RBPJ: variants seen among roughly 807,000 people sequenced by gnomAD.
The protein encoded by RBPJ is recombination signal binding protein for immunoglobulin kappa J region.
RBPJ carries 9 observed loss-of-function variants against 67.8 expected under a neutral mutation model. That is an observed-to-expected ratio of 0.13 (90% CI 0.08 to 0.23). The LOEUF (loss-of-function observed/expected upper bound fraction) is 0.23, where lower values mean the gene tolerates loss of function less well. RBPJ is among the 10% of genes least tolerant of loss of function. RBPJ has a pLI of 1.00. For synonymous variants in RBPJ, 198 were observed against 203.3 expected (o/e 0.97, Z 0.22); for missense variants, 305 against 595.6 (o/e 0.51, Z 5.08).
At chr4:26,321,646 A>C (rs1469327181) in intron 1 of RBPJ, 2 of 153,284 alleles carry the variant, frequency 1.3e-5, no homozygotes, top group Non-Finnish European at 2.9e-5. Context: ...TTCTGCCTTA[A>C]TTGTTCTTCC....
At chr4:26,396,174 T>C (rs556941880) in intron 2 of RBPJ, among the ~76,000 whole-genome samples, 1 of 152,364 alleles carries the variant, frequency 6.6e-6, no homozygotes, top group Admixed American at 6.5e-5. Flanking sequence ...GTAAAATGAA[T>C]TTAAATTGAT....
intron 1 of RBPJ, among the ~76,000 whole-genome samples, chr4:26,164,424 G>A (rs567440798): frequency 1.3e-5 from 2 of 152,296 alleles, no homozygotes; most frequent in South Asian, 4.1e-4. Context: ...TGAGCTCTGA[G>A]CTCTGGCTCT....
intron 1 of RBPJ, among the ~76,000 whole-genome samples, chr4:26,340,171 A>G (rs1375665410): frequency 6.6e-6 from 1 of 152,254 alleles, no homozygotes; most frequent in African/African-American, 2.4e-5. Flanking sequence ...AAAATAAAAC[A>G]GGGAAAGGGT....
At chr4:26,355,969 T>G (rs753120651) in intron 1 of RBPJ, among the ~76,000 whole-genome samples, 2 of 152,328 alleles carry the variant, frequency 1.3e-5, no homozygotes, top group Middle Eastern at 3.4e-3. Flanking sequence ...GAAGATGAAT[T>G]CTGGAAATTT....
chr4:26,294,191 G>A (rs796235860), intron 1 of RBPJ, among the ~76,000 whole-genome samples: 22 of 150,402 alleles, frequency 1.5e-4, no homozygotes, highest in African/African-American at 4.2e-4. Context: ...TCTGTCACCC[G>A]GGTTCAAGCA....
intron 1 of RBPJ, among the ~76,000 whole-genome samples, chr4:26,235,930 C>T (rs2109211628): frequency 6.6e-6 from 1 of 152,288 alleles, no homozygotes; most frequent in Non-Finnish European, 1.5e-5. Flanking sequence ...AGGGAACTTC[C>T]AAATATCCAG....
At chr4:26,339,753 C>T (rs1369190617) in intron 1 of RBPJ, among the ~76,000 whole-genome samples, 2 of 150,962 alleles carry the variant, frequency 1.3e-5, no homozygotes, top group Non-Finnish European at 3.0e-5. Context: ...CAGGCAGTGG[C>T]TCATGCCTGT....
At chr4:26,193,506 G>A (rs920285175) in intron 1 of RBPJ, among the ~76,000 whole-genome samples, 1 of 151,804 alleles carries the variant, frequency 6.6e-6, no homozygotes, top group African/African-American at 2.4e-5. Context: ...TTTAGTTGAA[G>A]ACTTTTTAAA....
intron 1 of RBPJ, among the ~76,000 whole-genome samples, chr4:26,177,409 C>T (rs1716832695): frequency 6.6e-6 from 1 of 152,110 alleles, no homozygotes; most frequent in Non-Finnish European, 1.5e-5. Flanking sequence ...AACCCCATCT[C>T]TACTAAAAAT....
intron 1 of RBPJ, among the ~76,000 whole-genome samples, chr4:26,260,649 A>G (rs765714961): frequency 2.6e-5 from 4 of 152,230 alleles, no homozygotes; most frequent in Non-Finnish European, 4.4e-5. Flanking sequence ...AATGGAAATA[A>G]TAATACCGTG....
chr4:26,214,602 CAG>C lies in RBPJ; in HGVS notation c.-167+50996_-167+50997del, dbSNP rs1202103508. On this transcript the variant is annotated intron_variant, in intron 1 of 4. Transcript: ENST00000512351. ...GAAAGAAAGGAAGGAAGGGAGGAAA[CAG>C]AGAGAGAATGAAAAAGAAAAAAGAG... is the stretch of plus-strand genomic sequence containing the variant. Among the ~76,000 whole-genome samples the C allele has an allele frequency of 1.3e-4, 12 of 93,100 alleles. No homozygotes were observed. In the South Asian group the frequency reaches 1.7e-3, roughly 13 times the overall value. 61.1% of individuals were successfully genotyped at this position (93,100 alleles called of 152,430 possible). A position where few individuals can be genotyped will look rare whatever the true frequency, so the allele number is the denominator to read the frequency against.
chr4:26,252,151 G>GT (rs1720136845), intron 1 of RBPJ, among the ~76,000 whole-genome samples: 1 of 151,488 alleles, frequency 6.6e-6, no homozygotes, highest in Admixed American at 6.6e-5. Context: ...TCGGCATGAA[G>GT]TTTGAGCTTT....
intron 1 of RBPJ, among the ~76,000 whole-genome samples, chr4:26,250,078 G>A (rs1002412699): frequency 5.9e-5 from 9 of 151,456 alleles, no homozygotes; most frequent in African/African-American, 2.2e-4. Context: ...GAGCCACCGC[G>A]CCTGGCCTTC....
chr4:26,151,405 A>G, the RBPJ span, among the ~76,000 whole-genome samples: 1 of 151,894 alleles, frequency 6.6e-6, no homozygotes, highest in African/African-American at 2.4e-5. Flanking sequence ...TGGGCCCTCA[A>G]CTCCTTCCAT....
chr4:26,222,595 T>C (rs1375690900), intron 1 of RBPJ, among the ~76,000 whole-genome samples: 1 of 147,814 alleles, frequency 6.8e-6, no homozygotes, highest in African/African-American at 2.5e-5. Context: ...AATTATCATA[T>C]GTACCCTGAA....
chr4:26,216,567 T>C (rs1718728417), intron 1 of RBPJ, among the ~76,000 whole-genome samples: 1 of 151,984 alleles, frequency 6.6e-6, no homozygotes, highest in Non-Finnish European at 1.5e-5. Flanking sequence ...TCCTAAGCTC[T>C]GGGGTGATGT....
Position 26,418,459 on chromosome 4 carries a change from A to G in RBPJ, c.322-2092A>G, listed in dbSNP as rs138120867. Among the ~76,000 whole-genome samples the G allele has an allele frequency of 3.3e-5, 5 of 152,206 alleles. No homozygotes were observed. In the East Asian group the frequency reaches 7.7e-4, roughly 23 times the overall value. ...ATTATGATTTTTGTGGATTCAAACT[A>G]CTCATTGTAATTAGGGATATATTTC... On this transcript the variant is annotated intron_variant, in intron 4 of 10. Coordinates refer to ENST00000355476, the MANE Select transcript of RBPJ (RefSeq NM_015874.6).
At chr4:26,261,839 T>G (rs1720549384) in intron 1 of RBPJ, among the ~76,000 whole-genome samples, 1 of 152,256 alleles carries the variant, frequency 6.6e-6, no homozygotes, top group Non-Finnish European at 1.5e-5. Context: ...TTAATTGATT[T>G]GCCATCATAA....
chr4:26,226,290 C>A (rs895964036), intron 1 of RBPJ, among the ~76,000 whole-genome samples: 9 of 152,036 alleles, frequency 5.9e-5, no homozygotes, highest in South Asian at 2.1e-4. Flanking sequence ...CATAGCAAGA[C>A]CCTGTCTCTA....
Sources: allele counts gnomAD v4.1 joint callset (sites outside exome capture counted in the v4.1 genomes callset), GRCh38; gene constraint gnomAD v4.1.1; transcripts MANE v1.5; gene names NCBI Gene and HGNC (gene_info 2026-07-23, HGNC 2026-07-21).